IQGAP2: variants seen among roughly 807,000 people sequenced by gnomAD.
IQGAP2 encodes IQ motif containing GTPase activating protein 2.
IQGAP2 carries 173 observed loss-of-function variants against 201.3 expected under a neutral mutation model. The ratio of observed to expected loss-of-function variants is 0.86; its 90% CI spans 0.76 to 0.98. IQGAP2 has a LOEUF of 0.98. IQGAP2 is among the 50% of genes least tolerant of loss of function. The probability of loss-of-function intolerance (pLI) is 0.00; values close to 1 mark genes in which losing one functional copy is unlikely to be tolerated. For synonymous variants in IQGAP2, 675 were observed against 673.9 expected, an observed-to-expected ratio of 1.00 and a Z score of -0.03; for missense variants, 1,687 against 1,864.8, an observed-to-expected ratio of 0.90 and a Z score of 1.76.
chr5:76,522,989 C>T, intron 2 of IQGAP2, among the ~76,000 whole-genome samples: 1 of 151,842 alleles, frequency 6.6e-6, no homozygotes, highest in East Asian at 1.9e-4. Flanking sequence ...AATTACATGC[C>T]TTTTTGTAAA....
chr5:76,627,392 C>T lies in IQGAP2; in HGVS notation c.1522-18C>T. On this transcript the variant is annotated intron_variant, in intron 13 of 35. Coordinates refer to ENST00000274364, the MANE Select transcript of IQGAP2 (RefSeq NM_006633.5). ...TCATTCACTCTTCTTTCTTTTTATT[C>T]TGTGACATTGTCCCCAGGACTCTGA... The T allele has an allele frequency of 1.3e-6, 2 of 1,496,572 alleles. No individual in the cohort carries two copies. The highest frequency in any genetic ancestry group is 1.9e-6 in the Non-Finnish European group (2 of 1,073,756). 92.7% of individuals were successfully genotyped at this position (1,496,572 alleles called of 1,614,324 possible).
chr5:76,452,281 G>A (rs1753808900), intron 1 of IQGAP2, among the ~76,000 whole-genome samples: 2 of 145,092 alleles, frequency 1.4e-5, no homozygotes, highest in South Asian at 2.2e-4. Context: ...TAGGGTACAT[G>A]TGCACAACGT....
Position 76,520,035 on chromosome 5 carries a change from A to G in IQGAP2, c.147-42361A>G, listed in dbSNP as rs148158240. On this transcript the variant is annotated intron_variant, in intron 2 of 35. Coordinates refer to ENST00000274364, the MANE Select transcript of IQGAP2 (RefSeq NM_006633.5). ...TCAAAGAGCAAAAGTCTTTAATTTC[A>G]ATAAAGTCCAATTTATCTTTTTTTT... 4.4e-3 allele frequency among the ~76,000 whole-genome samples: 665 copies of G among 151,928 alleles called. 6 individuals are homozygous for G. The highest frequency in any genetic ancestry group is 0.015 in the African/African-American group (616 of 41,466).
chr5:76,662,720 C>G (rs1743370081), intron 21 of IQGAP2, among the ~76,000 whole-genome samples: 1 of 152,218 alleles, frequency 6.6e-6, no homozygotes, highest in African/African-American at 2.4e-5. Context: ...GATTATCAGA[C>G]AGCCGCCTGC....
chr5:76,516,302 A>C lies in IQGAP2; in HGVS notation c.147-46094A>C, dbSNP rs145134955. Among the ~76,000 whole-genome samples the C allele has an allele frequency of 2.0e-4, 30 of 152,354 alleles. No homozygotes were observed. In the East Asian group the frequency reaches 5.6e-3, roughly 28 times the overall value. On this transcript the variant is annotated intron_variant, in intron 2 of 35. Coordinates refer to ENST00000274364, the MANE Select transcript of IQGAP2 (RefSeq NM_006633.5). ...TGTGGTTGCCCGAACCATTCTTAAA[A>C]TATTAGGTTGTTTCAGTATGTTTTA...
intron 5 of IQGAP2, among the ~76,000 whole-genome samples, chr5:76,582,347 G>A (rs1323484116): frequency 6.6e-6 from 1 of 152,232 alleles, no homozygotes; most frequent in Non-Finnish European, 1.5e-5. Flanking sequence ...TTGAGAAGGG[G>A]AAGGGCCTTG....
intron 2 of IQGAP2, among the ~76,000 whole-genome samples, chr5:76,477,082 C>A (rs1220562509): frequency 6.6e-6 from 1 of 152,156 alleles, no homozygotes; most frequent in Non-Finnish European, 1.5e-5. Flanking sequence ...TGGCTATAAT[C>A]CCAGGACTTT....
intron 4 of IQGAP2, among the ~76,000 whole-genome samples, chr5:76,574,951 C>T (rs1342309790): frequency 6.6e-6 from 1 of 152,104 alleles, no homozygotes; most frequent in Non-Finnish European, 1.5e-5. Context: ...TAAAAATAAT[C>T]TTATAGTATA....
intron 2 of IQGAP2, among the ~76,000 whole-genome samples, chr5:76,475,271 T>C (rs1755349733): frequency 6.6e-6 from 1 of 152,182 alleles, no homozygotes; most frequent in South Asian, 2.1e-4. Flanking sequence ...CTGAGTAGTT[T>C]TGAAGATCCA....
At chr5:76,644,767 A>G (rs1343857101) in intron 17 of IQGAP2, among the ~76,000 whole-genome samples, 1 of 152,234 alleles carries the variant, frequency 6.6e-6, no homozygotes, top group Non-Finnish European at 1.5e-5. Context: ...CAAAGGAACT[A>G]AAACTTACAG....
rs560665027 is a variant in IQGAP2, at chr5:76,617,901, A to G, written c.1521+6718A>G. 5.6e-6 allele frequency: 9 copies of G among 1,614,158 alleles called. No individual in the cohort carries two copies. The South Asian group carries it at 6.6e-5, about 12-fold the overall frequency. On this transcript the variant is annotated intron_variant, in intron 13 of 35. Transcript: ENST00000274364. ...AAGCACAAATGGAATTAAGAATCCA[A>G]AGAATGCCAAGGAGATGAAGTAATA...
At chr5:76,469,397 G>T (rs1050921569) in intron 2 of IQGAP2, among the ~76,000 whole-genome samples, 2 of 150,514 alleles carry the variant, frequency 1.3e-5, no homozygotes, top group African/African-American at 4.9e-5. Context: ...CTCAAAAAAT[G>T]AATTTTTTTT....
At chr5:76,531,166 C>A (rs1036167436) in intron 2 of IQGAP2, among the ~76,000 whole-genome samples, 1 of 152,106 alleles carries the variant, frequency 6.6e-6, no homozygotes, top group Non-Finnish European at 1.5e-5. Context: ...CAAGATGGTG[C>A]CTTAAATGCT....
At chr5:76,537,872 C>T (rs1759717160) in intron 2 of IQGAP2, among the ~76,000 whole-genome samples, 1 of 152,108 alleles carries the variant, frequency 6.6e-6, no homozygotes, top group African/African-American at 2.4e-5. Flanking sequence ...CGGGGCAGCA[C>T]CCAGATTAAG....
Position 76,652,827 on chromosome 5 carries a change from T to A in IQGAP2, c.2172T>A (p.Ile724=), listed in dbSNP as rs1270477496. ...CGTTCATTGATAATACTGATTCTAT[T>A]GTGAAGGTAAATACCCTTTCCTACC... The part of the protein sequence containing the change: ...RQTFIDNTDS[I]VKIQSWFRMA... The change falls in exon 18 of 36, where the codon ATT becomes ATA. Residue 724 remains isoleucine, a synonymous_variant. Transcript: ENST00000274364. 1 of 1,579,520 alleles carries A rather than the reference T, an allele frequency of 6.3e-7. No homozygotes were observed. The highest frequency in any genetic ancestry group is 1.1e-5 in the South Asian group (1 of 90,404).
At chr5:76,457,039 G>A (rs1331219294) in intron 1 of IQGAP2, among the ~76,000 whole-genome samples, 3 of 152,004 alleles carry the variant, frequency 2.0e-5, no homozygotes, top group African/African-American at 7.3e-5. Context: ...ACCCAGGCTG[G>A]AATACAGTGG....
intron 20 of IQGAP2, among the ~76,000 whole-genome samples, chr5:76,657,125 T>G (rs467460): frequency 5.3e-5 from 8 of 152,290 alleles, no homozygotes; most frequent in African/African-American, 1.7e-4. Flanking sequence ...AATATTAAAT[T>G]CGAGCCATAA....
At chr5:76,632,164 A>G (rs1474595198) in intron 15 of IQGAP2, 138 bp downstream of exon 15, 4 of 710,682 alleles carry the variant, frequency 5.6e-6, no homozygotes, top group Non-Finnish European at 6.5e-6. Flanking sequence ...GGCTAAGGAA[A>G]TTAGGAAAAG....
chr5:76,582,783 AACTACT>A (rs35811029), intron 5 of IQGAP2, among the ~76,000 whole-genome samples: 10 of 151,718 alleles, frequency 6.6e-5, no homozygotes, highest in African/African-American at 2.2e-4. Flanking sequence ...AGTAGATAAC[AACTACT>A]ACTACTACTA....
Sources: allele counts gnomAD v4.1 joint callset (sites outside exome capture counted in the v4.1 genomes callset), GRCh38; gene constraint gnomAD v4.1.1; transcripts MANE v1.5; gene names NCBI Gene and HGNC (gene_info 2026-07-23, HGNC 2026-07-21).